Variants in WDR12 observed in about 807,000 individuals in gnomAD.
WDR12 encodes WD repeat domain 12.
In WDR12, 42 loss-of-function variants were observed where a neutral mutation model predicts 64.3. That is an observed-to-expected ratio of 0.65 (90% CI 0.51 to 0.84). WDR12 has a LOEUF of 0.84. Ranked by LOEUF, WDR12 falls within the 40% of genes least tolerant of loss-of-function variation. The pLI, the probability that WDR12 is intolerant of heterozygous loss-of-function variation, is 0.00. For missense variants in WDR12, 469 were observed against 494.6 expected (o/e 0.95, Z 0.49); for synonymous variants, 158 against 173.3 (o/e 0.91, Z 0.70).
chr2:202,908,657 T>C (rs938664321), intron 1 of WDR12, among the ~76,000 whole-genome samples: 2 of 152,204 alleles, frequency 1.3e-5, no homozygotes, highest in Non-Finnish European at 2.9e-5. Context: ...TGTGAAATCA[T>C]TTTTACTTCT....
intron 8 of WDR12, among the ~76,000 whole-genome samples, chr2:202,889,227 A>G (rs906163764): frequency 5.3e-5 from 8 of 152,218 alleles, no homozygotes; most frequent in East Asian, 3.8e-4. Flanking sequence ...CAAGCTTACG[A>G]AAGTATGCAC....
rs1166028009 is a variant in WDR12, at chr2:202,911,634, T to C, written c.-158A>G. On this transcript the variant is annotated 5_prime_UTR_variant, in exon 1 of 13. Coordinates refer to ENST00000261015, the MANE Select transcript of WDR12 (RefSeq NM_018256.4). ...TAAGCCTGGACTCTGCCTTCTGCCC[T>C]CCGGTCTCCTCTGCAGAAAGCACGA... 1.5e-6 allele frequency: 1 copy of C among 687,284 alleles called. No homozygotes were observed. Among genetic ancestry groups the C allele is most frequent in the Non-Finnish European group, 2.6e-6 (1 of 382,238 alleles). 42.6% of individuals were successfully genotyped at this position (687,284 alleles called of 1,614,324 possible). A position where few individuals can be genotyped will look rare whatever the true frequency, so the allele number is the denominator to read the frequency against.
chr2:202,894,764 G>A, intron 6 of WDR12, 138 bp from the exon 7 acceptor site: 1 of 618,910 alleles, frequency 1.6e-6, no homozygotes. Flanking sequence ...CTTTTTCCAG[G>A]GGCAGATAGG....
At chr2:202,902,636 C>T (rs1250055664) in intron 2 of WDR12, among the ~76,000 whole-genome samples, 1 of 151,980 alleles carries the variant, frequency 6.6e-6, no homozygotes, top group Non-Finnish European at 1.5e-5. Flanking sequence ...ATTCTTGGAC[C>T]AGTGGTTTGC....
At chr2:202,892,785 T>TA (rs1688177221) in intron 7 of WDR12, 83 bp from the exon 8 acceptor site, 1 of 1,022,294 alleles carries the variant, frequency 9.8e-7, no homozygotes, top group South Asian at 1.7e-5. Flanking sequence ...CATTTCCAGA[T>TA]ATAGTTTTTC....
At chr2:202,884,958 C>T (rs1009664424) in intron 8 of WDR12, among the ~76,000 whole-genome samples, 1 of 152,200 alleles carries the variant, frequency 6.6e-6, no homozygotes, top group Non-Finnish European at 1.5e-5. Context: ...GTTTCTCCCC[C>T]CCTCTTTTCT....
chr2:202,891,441 C>G (rs1449183094), intron 8 of WDR12, among the ~76,000 whole-genome samples: 3 of 152,206 alleles, frequency 2.0e-5, no homozygotes, highest in Non-Finnish European at 4.4e-5. Context: ...TGAGCCACCA[C>G]AGTTGGCCTC....
At chr2:202,905,835 G>A (rs1227956377) in intron 2 of WDR12, among the ~76,000 whole-genome samples, 1 of 152,156 alleles carries the variant, frequency 6.6e-6, no homozygotes, top group Non-Finnish European at 1.5e-5. Context: ...TGAACTCATG[G>A]AGATACAGAG....
intron 2 of WDR12, among the ~76,000 whole-genome samples, chr2:202,901,405 T>A (rs998982153): frequency 6.6e-6 from 1 of 152,218 alleles, no homozygotes; most frequent in Non-Finnish European, 1.5e-5. Flanking sequence ...CACCAACTAA[T>A]GGGACATCAT....
chr2:202,885,640 A>C (rs1009025444), intron 8 of WDR12, among the ~76,000 whole-genome samples: 2 of 152,188 alleles, frequency 1.3e-5, no homozygotes, highest in Non-Finnish European at 2.9e-5. Context: ...CCTATTATTT[A>C]ATCTTTAAAT....
chr2:202,883,700 A>T lies in WDR12; in HGVS notation c.1030T>A (p.Trp344Arg). 1.2e-6 allele frequency: 2 copies of T among 1,614,126 alleles called. No individual in the cohort carries two copies. Among genetic ancestry groups the T allele is most frequent in the South Asian group, 1.1e-5 (1 of 91,086 alleles). The change falls in exon 11 of 13, where the codon TGG becomes AGG. Residue 344 changes from tryptophan to arginine, a missense_variant. Physicochemically the swap from Trp to Arg is moderately radical, Grantham distance 101 (BLOSUM62 -3). Transcript: ENST00000261015. ...GGAGACCATTTTACTGATGTCACCC[A>T]ACCAGTATGTGACGTTAGGGACAGC... ...VSLSLTSHTG[W>R]VTSVKWSPTH...
Position 202,880,810 on chromosome 2 carries a change from A to G in WDR12, c.*50T>C. ...CATCTATGTAATTTCATGGTTCTCT[A>G]CCAATTTCATTTACAGAAATAATCT... On this transcript the variant is annotated 3_prime_UTR_variant, in exon 13 of 13. Coordinates refer to ENST00000261015, the MANE Select transcript of WDR12 (RefSeq NM_018256.4). The G allele has an allele frequency of 6.5e-7, 1 of 1,538,966 alleles. No individual in the cohort carries two copies. Among genetic ancestry groups the G allele is most frequent in the East Asian group, 2.3e-5 (1 of 43,578 alleles).
intron 8 of WDR12, 40 bp from the exon 9 acceptor site, chr2:202,884,575 T>C: frequency 1.3e-6 from 2 of 1,576,088 alleles, no homozygotes; most frequent in African/African-American, 1.4e-5. Flanking sequence ...GTGTTTTCAT[T>C]ACAGAATAAT....
Position 202,882,732 on chromosome 2 carries a change from A to C in WDR12, c.1173T>G (p.Ser391Arg). The C allele has an allele frequency of 4.3e-6, 7 of 1,614,068 alleles. No individual in the cohort carries two copies. The highest frequency in any genetic ancestry group is 5.9e-6 in the Non-Finnish European group (7 of 1,179,930). Residue 391 changes from serine (S) to arginine (R), a missense_variant, in exon 12 of 13, where the codon AGT (serine) becomes AGG (arginine). Transcript: ENST00000261015. ...DLAAHEDKVL[S>R]VDWTDTGLLL... ...TTACCCCTGTGTCTGTCCAGTCTACACTCAGAACTTTGTCTTCATGAGCAG... is the reference window on the plus strand; with the variant it reads ...TTACCCCTGTGTCTGTCCAGTCTACCCTCAGAACTTTGTCTTCATGAGCAG...
chr2:202,908,966 T>C (rs886381004), intron 1 of WDR12, among the ~76,000 whole-genome samples: 2 of 152,212 alleles, frequency 1.3e-5, no homozygotes, highest in Admixed American at 1.3e-4. Context: ...GTCATCCAGG[T>C]AATGTTAATC....
intron 2 of WDR12, among the ~76,000 whole-genome samples, chr2:202,906,433 C>CA (rs1020327358): frequency 6.6e-6 from 1 of 152,022 alleles, no homozygotes; most frequent in Non-Finnish European, 1.5e-5. Context: ...TCAAATTTCA[C>CA]AAAAAAATTA....
chr2:202,904,329 GA>G (rs898784055), intron 2 of WDR12, among the ~76,000 whole-genome samples: 126 of 144,252 alleles, frequency 8.7e-4, no homozygotes, highest in African/African-American at 1.6e-3. Context: ...ATTCTTCACA[GA>G]AAAAAAAAAA....
chr2:202,895,689 ATT>A (rs56005993), intron 6 of WDR12, among the ~76,000 whole-genome samples: 11,823 of 119,270 alleles, frequency 0.099, 586 homozygotes, highest in Non-Finnish European at 0.13. Context: ...TGCCCGGCTT[ATT>A]TTTTTTTTTT....
chr2:202,892,780 C>A (rs745823722), intron 7 of WDR12, 78 bp from the exon 8 acceptor site: 4 of 1,056,128 alleles, frequency 3.8e-6, no homozygotes, highest in Non-Finnish European at 5.5e-6. Context: ...CTTTACATTT[C>A]CAGATATAGT....
Sources: gnomAD v4.1 joint callset for allele counts (sites outside exome capture counted in the v4.1 genomes callset) on GRCh38, gnomAD v4.1.1 for gene constraint, MANE v1.5 for transcripts, NCBI Gene and HGNC (gene_info 2026-07-23, HGNC 2026-07-21) for gene names.